Variants in SKIC2 observed in about 807,000 individuals in gnomAD.
SKIC2 encodes the protein superkiller complex protein 2.
At chr6:31,962,165 A>G in the SKIC2 span, 2 of 1,168,260 alleles carry the variant, frequency 1.7e-6, no homozygotes, top group East Asian at 2.4e-5. This position sits in a 1 kb window ranked among gnomAD's most constrained non-coding sequence, Gnocchi z 5.0. Flanking sequence ...TTTAAGTGAG[A>G]GGTTCAGGGC....
At chr6:31,960,477 C>T in the SKIC2 span, 2 of 1,614,214 alleles carry the variant, frequency 1.2e-6, no homozygotes, top group Admixed American at 3.3e-5. Flanking sequence ...CTCCTTGTCT[C>T]TTCGCCGGCC....
the SKIC2 span, chr6:31,969,563 G>T: frequency 6.2e-7 from 1 of 1,613,954 alleles, no homozygotes; most frequent in African/African-American, 1.3e-5. The surrounding 1 kb of genome is among the most constrained non-coding windows in gnomAD (Gnocchi z 6.1). Flanking sequence ...GGGCCTGGTG[G>T]TCCGCTGCAT....
chr6:31,967,109 G>A, the SKIC2 span: 3 of 1,612,366 alleles, frequency 1.9e-6, no homozygotes, highest in Non-Finnish European at 2.5e-6. This position sits in a 1 kb window ranked among gnomAD's most constrained non-coding sequence, Gnocchi z 4.9. Context: ...CAGCTGGGGG[G>A]AGGAACTGAC....
At chr6:31,967,252 C>A in the SKIC2 span, 5 of 1,610,476 alleles carry the variant, frequency 3.1e-6, no homozygotes, top group Non-Finnish European at 4.2e-6. This position sits in a 1 kb window ranked among gnomAD's most constrained non-coding sequence, Gnocchi z 4.9. Context: ...TGCCTCCTCC[C>A]ATCTGTCCTT....
chr6:31,962,564 T>C, the SKIC2 span: 6 of 1,613,586 alleles, frequency 3.7e-6, no homozygotes, highest in Non-Finnish European at 5.1e-6. This position sits in a 1 kb window ranked among gnomAD's most constrained non-coding sequence, Gnocchi z 5.0. Context: ...TCCTGCCTCA[T>C]CATGACCACA....
At chr6:31,968,969 G>C in the SKIC2 span, 6 of 1,612,976 alleles carry the variant, frequency 3.7e-6, no homozygotes, top group Middle Eastern at 9.9e-4. This position sits in a 1 kb window ranked among gnomAD's most constrained non-coding sequence, Gnocchi z 6.1. Flanking sequence ...TCCTCACTGA[G>C]CTCATGTTTG....
chr6:31,961,233 C>T, the SKIC2 span: 1 of 1,613,772 alleles, frequency 6.2e-7, no homozygotes, highest in South Asian at 1.1e-5. Flanking sequence ...TAAGCCTTAG[C>T]TGTATGTTGG....
the SKIC2 span, chr6:31,968,954 G>A: frequency 6.2e-7 from 1 of 1,613,020 alleles, no homozygotes; most frequent in African/African-American, 1.3e-5. This position sits in a 1 kb window ranked among gnomAD's most constrained non-coding sequence, Gnocchi z 6.1. Flanking sequence ...GCAGCCATGA[G>A]TTGCTCCTCA....
At chr6:31,966,360 C>T in the SKIC2 span, among the ~76,000 whole-genome samples, 1 of 152,082 alleles carries the variant, frequency 6.6e-6, no homozygotes, top group Admixed American at 6.6e-5. The surrounding 1 kb of genome is among the most constrained non-coding windows in gnomAD (Gnocchi z 5.9). Flanking sequence ...TCTGCCTCAG[C>T]TTCCCAAAGT....
the SKIC2 span, chr6:31,959,177 C>T: frequency 6.2e-7 from 1 of 1,609,504 alleles, no homozygotes; most frequent in Non-Finnish European, 8.5e-7. Context: ...TGCCAGGCAG[C>T]TGCTGTGGCT....
chr6:31,967,793 AG>A, the SKIC2 span: 1 of 1,612,764 alleles, frequency 6.2e-7, no homozygotes. The surrounding 1 kb of genome is among the most constrained non-coding windows in gnomAD (Gnocchi z 4.9). Flanking sequence ...CCCACAGGAC[AG>A]GGGGCCAGCC....
the SKIC2 span, chr6:31,969,633 C>T: frequency 1.2e-6 from 2 of 1,612,392 alleles, no homozygotes; most frequent in Non-Finnish European, 8.5e-7. The surrounding 1 kb of genome is among the most constrained non-coding windows in gnomAD (Gnocchi z 6.1). Context: ...GTAGGAGAGC[C>T]TGTGCTGGGT....
At chr6:31,962,984 G>A in the SKIC2 span, 1 of 1,608,732 alleles carries the variant, frequency 6.2e-7, no homozygotes, top group Admixed American at 1.7e-5. The surrounding 1 kb of genome is among the most constrained non-coding windows in gnomAD (Gnocchi z 5.0). Flanking sequence ...TCTGTGCCCA[G>A]CGTGGGGTCG....
the SKIC2 span, chr6:31,960,667 G>T: frequency 6.3e-7 from 1 of 1,589,306 alleles, no homozygotes; most frequent in African/African-American, 1.4e-5. Context: ...TCTTCCCAGG[G>T]GGGATGGATG....
At chr6:31,965,935 C>T in the SKIC2 span, 1 of 1,612,968 alleles carries the variant, frequency 6.2e-7, no homozygotes, top group South Asian at 1.1e-5. This position sits in a 1 kb window ranked among gnomAD's most constrained non-coding sequence, Gnocchi z 5.6. Context: ...GGCGGAGGGG[C>T]CTGGACCCCA....
At chr6:31,964,326 G>A in the SKIC2 span, 2 of 1,612,834 alleles carry the variant, frequency 1.2e-6, no homozygotes, top group East Asian at 2.2e-5. The surrounding 1 kb of genome is among the most constrained non-coding windows in gnomAD (Gnocchi z 5.0). Flanking sequence ...ATGCTCTTCA[G>A]CCGTGGCCTG....
chr6:31,966,908 AGGT>A, the SKIC2 span: 2 of 1,613,458 alleles, frequency 1.2e-6, no homozygotes, highest in South Asian at 2.2e-5. This position sits in a 1 kb window ranked among gnomAD's most constrained non-coding sequence, Gnocchi z 5.9. Flanking sequence ...GGCTGGGAAT[AGGT>A]AGGCATCCAG....
the SKIC2 span, chr6:31,960,161 T>A: frequency 6.2e-7 from 1 of 1,607,156 alleles, no homozygotes; most frequent in African/African-American, 1.3e-5. Flanking sequence ...GATGGGTTCC[T>A]GAAGGAAGCT....
the SKIC2 span, chr6:31,961,427 C>T: frequency 2.0e-6 from 3 of 1,526,694 alleles, no homozygotes; most frequent in Non-Finnish European, 2.6e-6. Context: ...AGAGCCTTGC[C>T]ACCAGGATGT....
Sources: gnomAD v4.1 joint callset for allele counts (sites outside exome capture counted in the v4.1 genomes callset) on GRCh38, gnomAD v4.1.1 for gene constraint, Gnocchi (gnomAD v3.1) non-coding constraint, MANE v1.5 for transcripts, NCBI Gene and HGNC (gene_info 2026-07-23, HGNC 2026-07-21) for gene names.